Variants in GPC6 observed in about 807,000 individuals in gnomAD.
The protein encoded by GPC6 is glypican 6.
Under a neutral mutation model 55.2 loss-of-function variants are expected in GPC6, and 14 were observed. The ratio of observed to expected loss-of-function variants is 0.25; its 90% CI spans 0.17 to 0.40. GPC6 has a LOEUF of 0.40. Ranked by LOEUF, GPC6 falls within the 10% of genes least tolerant of loss-of-function variation. GPC6 has a pLI of 1.00. For synonymous variants in GPC6, 278 were observed against 259.6 expected, an observed-to-expected ratio of 1.07 and a Z score of -0.68; for missense variants, 641 against 708.5, an observed-to-expected ratio of 0.90 and a Z score of 1.08.
At chr13:94,374,098 C>T (rs1366641308) in intron 6 of GPC6, among the ~76,000 whole-genome samples, 3 of 152,024 alleles carry the variant, frequency 2.0e-5, no homozygotes, top group East Asian at 1.9e-4. Context: ...CGATACCAGC[C>T]ACTGCAAAAT....
intron 4 of GPC6, among the ~76,000 whole-genome samples, chr13:94,162,857 T>C (rs1888216886): frequency 6.6e-6 from 1 of 152,134 alleles, no homozygotes; most frequent in African/African-American, 2.4e-5. Context: ...AATTCAGTAT[T>C]AAAACCACTC....
chr13:94,305,905 T>C, intron 5 of GPC6, 75 bp from the exon 6 acceptor site: 1 of 1,369,720 alleles, frequency 7.3e-7, no homozygotes, highest in Non-Finnish European at 1.0e-6. Context: ...CACCATTGCA[T>C]TGCACATTTC....
intron 4 of GPC6, among the ~76,000 whole-genome samples, chr13:94,262,478 G>T (rs1014638256): frequency 6.6e-6 from 1 of 152,086 alleles, no homozygotes; most frequent in African/African-American, 2.4e-5. Context: ...TTCGAGACCA[G>T]CCTGGCCAAC....
At chr13:93,856,310 G>A (rs1888608747) in intron 3 of GPC6, among the ~76,000 whole-genome samples, 2 of 151,566 alleles carry the variant, frequency 1.3e-5, no homozygotes, top group Non-Finnish European at 3.0e-5. Flanking sequence ...TGTCAAGTGG[G>A]TTGAGGATAA....
chr13:93,409,463 G>A (rs1321261154), intron 1 of GPC6, among the ~76,000 whole-genome samples: 4 of 152,038 alleles, frequency 2.6e-5, no homozygotes, highest in Admixed American at 6.6e-5. Flanking sequence ...ACACTTCCTC[G>A]CTCTTGGACT....
chr13:94,143,994 T>C lies in GPC6; in HGVS notation c.877+116100T>C, dbSNP rs1472837559. On this transcript the variant is annotated intron_variant, in intron 4 of 8. Transcript: ENST00000377047. ...AACACATTATAGCTTTATAGGCGCA[T>C]ATTTTGTTTTCACTGAAGCGAAGTT... Among the ~76,000 whole-genome samples the C allele has an allele frequency of 3.3e-5, 5 of 152,346 alleles. No homozygotes were observed. The East Asian group carries it at 9.6e-4, about 29-fold the overall frequency.
intron 3 of GPC6, among the ~76,000 whole-genome samples, chr13:93,832,542 G>C (rs1288997383): frequency 2.6e-5 from 4 of 152,240 alleles, no homozygotes; most frequent in African/African-American, 9.6e-5. Context: ...GTTTAGATGT[G>C]TGTATTATGA....
chr13:93,791,588 C>G (rs1320129433), intron 2 of GPC6, among the ~76,000 whole-genome samples: 1 of 152,050 alleles, frequency 6.6e-6, no homozygotes, highest in Admixed American at 6.6e-5. Context: ...ATGCACAGGC[C>G]TCGTTGTTTT....
chr13:93,343,465 A>C (rs541543148), intron 1 of GPC6, among the ~76,000 whole-genome samples: 1 of 152,300 alleles, frequency 6.6e-6, no homozygotes, highest in East Asian at 1.9e-4. Context: ...AACATTGTTA[A>C]TTAGTAGCAA....
At chr13:93,636,310 T>C (rs1879693069) in intron 2 of GPC6, among the ~76,000 whole-genome samples, 1 of 152,118 alleles carries the variant, frequency 6.6e-6, no homozygotes, top group Non-Finnish European at 1.5e-5. Context: ...AAATAAACAA[T>C]AAATAATGGA....
chr13:94,253,851 G>C (rs1891428738), intron 4 of GPC6, among the ~76,000 whole-genome samples: 1 of 152,100 alleles, frequency 6.6e-6, no homozygotes, highest in Non-Finnish European at 1.5e-5. Flanking sequence ...GTAAATGACG[G>C]AACACTTTAT....
chr13:93,951,615 C>A (rs1306693610), intron 3 of GPC6, among the ~76,000 whole-genome samples: 1 of 152,122 alleles, frequency 6.6e-6, no homozygotes, highest in East Asian at 1.9e-4. Flanking sequence ...ACCTTAGAAG[C>A]AGTTTCACCT....
intron 2 of GPC6, among the ~76,000 whole-genome samples, chr13:93,821,632 A>G (rs2138966400): frequency 6.6e-6 from 1 of 152,344 alleles, no homozygotes; most frequent in Non-Finnish European, 1.5e-5. Context: ...ATCCTTTATT[A>G]GAACTCCATT....
At chr13:93,621,714 T>A (rs1035449826) in intron 2 of GPC6, among the ~76,000 whole-genome samples, 2 of 152,164 alleles carry the variant, frequency 1.3e-5, no homozygotes, top group Non-Finnish European at 2.9e-5. Flanking sequence ...AACTCTGAAA[T>A]GAAGCTACCC....
intron 2 of GPC6, among the ~76,000 whole-genome samples, chr13:93,628,608 A>G (rs1879304355): frequency 6.6e-6 from 1 of 152,174 alleles, no homozygotes; most frequent in Non-Finnish European, 1.5e-5. Context: ...TACTTGCATG[A>G]CACTGGAGTT....
intron 3 of GPC6, among the ~76,000 whole-genome samples, chr13:93,870,433 G>T (rs1005410029): frequency 1.3e-5 from 2 of 151,826 alleles, no homozygotes; most frequent in South Asian, 4.1e-4. Context: ...ACATAAATAT[G>T]CTGGAGAATA....
chr13:93,842,327 C>T (rs534381067), intron 3 of GPC6, among the ~76,000 whole-genome samples: 15 of 152,120 alleles, frequency 9.9e-5, no homozygotes, highest in African/African-American at 3.1e-4. Context: ...TCTGCTGCAT[C>T]GGTAGAGAGA....
chr13:93,492,638 G>A (rs938386244), intron 1 of GPC6, among the ~76,000 whole-genome samples: 1 of 150,474 alleles, frequency 6.6e-6, no homozygotes, highest in African/African-American at 2.5e-5. Context: ...TGCCCATTCG[G>A]TATGATATTG....
intron 1 of GPC6, among the ~76,000 whole-genome samples, chr13:93,295,749 C>T (rs1878475675): frequency 6.6e-6 from 1 of 152,048 alleles, no homozygotes; most frequent in African/African-American, 2.4e-5. Flanking sequence ...CCTGTGTCAT[C>T]CAGGAGGGAG....
Sources: allele counts gnomAD v4.1 joint callset (sites outside exome capture counted in the v4.1 genomes callset), GRCh38; gene constraint gnomAD v4.1.1; transcripts MANE v1.5; gene names NCBI Gene and HGNC (gene_info 2026-07-23, HGNC 2026-07-21).